Variants in DOCK2 observed in about 807,000 individuals in gnomAD.
DOCK2 encodes the protein dedicator of cytokinesis 2.
A neutral mutation model predicts 248.9 loss-of-function variants in DOCK2; 87 were observed. The ratio of observed to expected loss-of-function variants is 0.35; its 90% CI spans 0.29 to 0.42. The LOEUF is 0.42. Ranked by LOEUF, DOCK2 falls within the 10% of genes least tolerant of loss-of-function variation. The pLI is 1.00. For missense variants in DOCK2, 1,747 were observed against 2,300.2 expected, an observed-to-expected ratio of 0.76 and a Z score of 4.92; for synonymous variants, 805 against 821.6, an observed-to-expected ratio of 0.98 and a Z score of 0.35.
chr5:170,019,867 C>G (rs1244979755), intron 33 of DOCK2, among the ~76,000 whole-genome samples: 1 of 152,012 alleles, frequency 6.6e-6, no homozygotes, highest in African/African-American at 2.4e-5. Flanking sequence ...AGGCCTCACC[C>G]CCTGTCCTCT....
chr5:170,008,956 A>G (rs1755173371), intron 32 of DOCK2, among the ~76,000 whole-genome samples: 1 of 152,006 alleles, frequency 6.6e-6, no homozygotes, highest in African/African-American at 2.4e-5. Flanking sequence ...CCCTGCAAGC[A>G]GCTGTGAATA....
intron 15 of DOCK2, among the ~76,000 whole-genome samples, chr5:169,709,992 G>C (rs1367299420): frequency 2.0e-5 from 3 of 152,198 alleles, no homozygotes; most frequent in Non-Finnish European, 2.9e-5. Context: ...CTTTGTTTTA[G>C]CCAAAGCAGG....
rs780601924 is a variant in DOCK2, at chr5:170,081,852, C to G, written c.5298C>G (p.Leu1766=). The change falls in exon 51 of 52, where the codon CTC becomes CTG. Residue 1766 remains leucine (L), a synonymous_variant. Coordinates refer to ENST00000520908, the MANE Select transcript of DOCK2 (RefSeq NM_004946.3). ...QSMPTIPALA[L]SVAGIPGLDE... Reference sequence around the variant, plus strand: ...CTGCTCTCCTTCCAGCCCTGGCGCTCTCAGTGGCAGGCATCCCTGGGTTGG... The same window carrying G: ...CTGCTCTCCTTCCAGCCCTGGCGCTGTCAGTGGCAGGCATCCCTGGGTTGG... 3 of 1,612,960 alleles carry G rather than the reference C, an allele frequency of 1.9e-6. No homozygotes were observed. Among genetic ancestry groups the G allele is most frequent in the Admixed American group, 3.3e-5 (2 of 59,940 alleles).
At chr5:169,932,551 G>T (rs144564366) in intron 27 of DOCK2, among the ~76,000 whole-genome samples, 2 of 152,168 alleles carry the variant, frequency 1.3e-5, no homozygotes, top group African/African-American at 2.4e-5. Context: ...TGCTTTTGCC[G>T]TCAGTTTTGG....
At chr5:170,027,622 C>A (rs1200905285) in intron 33 of DOCK2, among the ~76,000 whole-genome samples, 2 of 152,214 alleles carry the variant, frequency 1.3e-5, no homozygotes, top group African/African-American at 4.8e-5. Flanking sequence ...TGCACTCGCG[C>A]TCTCTCGCAC....
intron 44 of DOCK2, among the ~76,000 whole-genome samples, chr5:170,062,728 G>T (rs749786083): frequency 6.6e-6 from 1 of 152,084 alleles, no homozygotes; most frequent in African/African-American, 2.4e-5. Flanking sequence ...AAAAATCAGT[G>T]GTTTTATATG....
At chr5:169,784,486 A>ATTTGCAGAGTAAGCAAAACTAT (rs1765881168) in intron 25 of DOCK2, among the ~76,000 whole-genome samples, 2 of 152,184 alleles carry the variant, frequency 1.3e-5, no homozygotes, top group African/African-American at 2.4e-5. Context: ...TCTTTCTTTC[A>ATTTGCAGAGTAAGCAAAACTAT]TTTGCAGAGT....
chr5:169,643,659 C>T lies in DOCK2; in HGVS notation c.43+6290C>T, dbSNP rs760483546. Among the ~76,000 whole-genome samples the T allele has an allele frequency of 2.0e-5, 3 of 152,266 alleles. No homozygotes were observed. In the East Asian group the frequency reaches 5.8e-4, roughly 29 times the overall value. Reference sequence around the variant, plus strand: ...GCCCGGTTCCTAACAGGCCACCAACCAGTACCGGTCGGTGGCCTGGGGAGT... The same window carrying T: ...GCCCGGTTCCTAACAGGCCACCAACTAGTACCGGTCGGTGGCCTGGGGAGT... On this transcript the variant is annotated intron_variant, in intron 1 of 51. Coordinates refer to ENST00000520908, the MANE Select transcript of DOCK2 (RefSeq NM_004946.3).
intron 27 of DOCK2, among the ~76,000 whole-genome samples, chr5:169,935,588 G>A (rs537791956): frequency 1.9e-4 from 29 of 152,280 alleles, no homozygotes; most frequent in South Asian, 1.0e-3. Context: ...TGGAGAAGTC[G>A]GAGTTTTATC....
chr5:169,700,281 T>C, intron 13 of DOCK2, 142 bp downstream of exon 13: 1 of 1,269,148 alleles, frequency 7.9e-7, no homozygotes, highest in Non-Finnish European at 1.1e-6. Context: ...CAACTAAAAA[T>C]GATGTCTGTA....
intron 9 of DOCK2, among the ~76,000 whole-genome samples, chr5:169,693,962 A>G (rs1760454296): frequency 1.3e-5 from 2 of 152,200 alleles, no homozygotes; most frequent in African/African-American, 4.8e-5. Flanking sequence ...GTAGATATTA[A>G]TCAGGTCTAC....
chr5:169,843,261 C>G (rs1347451175), intron 27 of DOCK2, among the ~76,000 whole-genome samples: 2 of 152,216 alleles, frequency 1.3e-5, no homozygotes, highest in Non-Finnish European at 2.9e-5. Flanking sequence ...CGAAGCTGCT[C>G]TAGCTGTGAC....
intron 24 of DOCK2, 27 bp from the exon 25 acceptor site, chr5:169,761,492 A>G (rs1463903457): frequency 6.3e-7 from 1 of 1,586,736 alleles, no homozygotes; most frequent in African/African-American, 1.3e-5. Context: ...GCCTTGCTCT[A>G]CCAGCTCCTA....
At chr5:169,693,146 G>T (rs982723795) in intron 9 of DOCK2, among the ~76,000 whole-genome samples, 2 of 152,084 alleles carry the variant, frequency 1.3e-5, no homozygotes, top group African/African-American at 4.8e-5. Flanking sequence ...AGGAGAGAAG[G>T]TATTAGGGAT....
In DOCK2 at chr5:169,958,210, T is replaced by C. The variant is rs1378905155; in HGVS notation, c.2800-24858T>C. Among the ~76,000 whole-genome samples the C allele has an allele frequency of 2.5e-5, 3 of 121,124 alleles. No homozygotes were observed. The South Asian group carries it at 9.1e-4, about 37-fold the overall frequency. 79.5% of individuals were successfully genotyped at this position (121,124 alleles called of 152,430 possible). ...GCCTGGCTAAATGGAACACAGATAATCTGGAAACTTTGTTTTGCAAAAAAA... is the reference window on the plus strand; with the variant it reads ...GCCTGGCTAAATGGAACACAGATAACCTGGAAACTTTGTTTTGCAAAAAAA... On this transcript the variant is annotated intron_variant, in intron 27 of 51. Transcript: ENST00000520908.
chr5:170,067,905 G>A (rs138425619), intron 45 of DOCK2, among the ~76,000 whole-genome samples: 119 of 152,286 alleles, frequency 7.8e-4, no homozygotes, highest in African/African-American at 2.6e-3. Flanking sequence ...CTGTGCTGGG[G>A]CAGGGAGGGG....
chr5:169,748,271 T>G (rs1024784352), intron 23 of DOCK2, among the ~76,000 whole-genome samples: 1 of 152,122 alleles, frequency 6.6e-6, no homozygotes, highest in African/African-American at 2.4e-5. Context: ...TACTAGTGTT[T>G]AGCTAGAATG....
intron 11 of DOCK2, among the ~76,000 whole-genome samples, chr5:169,698,652 A>T (rs1041129537): frequency 1.3e-5 from 2 of 152,250 alleles, no homozygotes; most frequent in African/African-American, 4.8e-5. Context: ...ATCAGATGTT[A>T]TTTATGCCAC....
At chr5:169,859,974 T>C (rs61079155) in intron 27 of DOCK2, among the ~76,000 whole-genome samples, 10,350 of 137,956 alleles carry the variant, frequency 0.075, 226 homozygotes, top group African/African-American at 0.12. Flanking sequence ...TTTTTTTTTT[T>C]TCTTTTTTTT....
Sources: allele counts gnomAD v4.1 joint callset (sites outside exome capture counted in the v4.1 genomes callset), GRCh38; gene constraint gnomAD v4.1.1; transcripts MANE v1.5; gene names NCBI Gene and HGNC (gene_info 2026-07-23, HGNC 2026-07-21).